PROM1: variants seen among roughly 807,000 people sequenced by gnomAD.
PROM1 encodes the protein prominin 1, also known as prominin-1.
A neutral mutation model predicts 116.9 loss-of-function variants in PROM1; 105 were observed. The ratio of observed to expected loss-of-function variants is 0.90; its 90% CI spans 0.77 to 1.06. The LOEUF (loss-of-function observed/expected upper bound fraction) is 1.06. Among genes scored for constraint, PROM1 ranks in the 50% least tolerant of loss-of-function variants. The pLI is 0.00. For synonymous variants in PROM1, 393 were observed against 387.0 expected (o/e 1.02, Z -0.18); for missense variants, 1,122 against 1,045.2 (o/e 1.07, Z -1.01).
chr4:16,052,962 G>A (rs1289869064), intron 2 of PROM1, among the ~76,000 whole-genome samples: 1 of 152,160 alleles, frequency 6.6e-6, no homozygotes, highest in African/African-American at 2.4e-5. Flanking sequence ...CAGTGAAAGG[G>A]CATGTCATTT....
At chr4:16,011,075 C>T (rs1187470896) in intron 11 of PROM1, among the ~76,000 whole-genome samples, 2 of 152,056 alleles carry the variant, frequency 1.3e-5, no homozygotes, top group Non-Finnish European at 1.5e-5. Flanking sequence ...CTCCTAGGGC[C>T]CCTGCCTGCT....
Position 16,008,894 on chromosome 4 carries a change from C to T in PROM1, c.1301+55G>A, listed in dbSNP as rs1726161501. 62 of 1,465,794 alleles carry T rather than the reference C, an allele frequency of 4.2e-5. 1 individual carries two copies. The South Asian group carries it at 6.9e-4, about 16-fold the overall frequency. The allele number at this position is 1,465,794 out of a possible 1,614,324, so 90.8% of individuals were successfully genotyped here. ...CCTGGTGCTAATGTCAGATTTTTAT[C>T]TCGTTCTCTACAAAGTTCACTCTCG... is the stretch of plus-strand genomic sequence containing the variant. On this transcript the variant is annotated intron_variant, in intron 12 of 27. Transcript: ENST00000447510.
intron 26 of PROM1, among the ~76,000 whole-genome samples, chr4:15,975,820 C>A (rs540367619): frequency 6.6e-6 from 1 of 152,298 alleles, no homozygotes; most frequent in African/African-American, 2.4e-5. Context: ...GGTGGGTGTG[C>A]AGGAATGAAA....
intron 18 of PROM1, among the ~76,000 whole-genome samples, 177 bp from the exon 19 acceptor site, chr4:15,990,001 G>C (rs957239339): frequency 3.9e-5 from 6 of 152,080 alleles, no homozygotes; most frequent in Admixed American, 6.6e-5. Flanking sequence ...CTCCTTCAAA[G>C]CACAGAACCA....
intron 3 of PROM1, among the ~76,000 whole-genome samples, chr4:16,037,622 T>C (rs1734236728): frequency 6.6e-6 from 1 of 152,172 alleles, no homozygotes; most frequent in South Asian, 2.1e-4. Context: ...CGTCCACCTA[T>C]ACATCTGCTT....
chr4:16,028,757 A>G (rs1398558828), intron 5 of PROM1, among the ~76,000 whole-genome samples: 3 of 152,248 alleles, frequency 2.0e-5, no homozygotes, highest in Non-Finnish European at 2.9e-5. Context: ...TTCAGTGAAT[A>G]TCAGTTCTCT....
At chr4:16,046,431 A>G (rs961009658) in intron 2 of PROM1, among the ~76,000 whole-genome samples, 1 of 152,124 alleles carries the variant, frequency 6.6e-6, no homozygotes, top group Non-Finnish European at 1.5e-5. Context: ...TCTTCTTTAG[A>G]TAGGAAAATA....
intron 2 of PROM1, among the ~76,000 whole-genome samples, chr4:16,051,486 C>T (rs1321334568): frequency 6.6e-6 from 1 of 152,216 alleles, no homozygotes; most frequent in Non-Finnish European, 1.5e-5. Flanking sequence ...AAATATCCAT[C>T]GTCCTGTGAG....
At chr4:16,030,889 T>C (rs1419141943) in intron 5 of PROM1, among the ~76,000 whole-genome samples, 1 of 151,954 alleles carries the variant, frequency 6.6e-6, no homozygotes, top group African/African-American at 2.4e-5. Context: ...CTACTAAAAA[T>C]ACAAAAATCT....
At chr4:16,052,334 C>G (rs1451731504) in intron 2 of PROM1, among the ~76,000 whole-genome samples, 1 of 152,200 alleles carries the variant, frequency 6.6e-6, no homozygotes, top group Non-Finnish European at 1.5e-5. Context: ...AAATCACCAT[C>G]AGGTCCTTGG....
intron 1 of PROM1, among the ~76,000 whole-genome samples, chr4:16,081,358 T>G (rs1366175935): frequency 6.6e-6 from 1 of 152,054 alleles, no homozygotes; most frequent in East Asian, 1.9e-4. Context: ...TCCTTACACC[T>G]TATACAAAAA....
chr4:16,002,035 T>TGGATGTGTTTGAGAGC, intron 13 of PROM1, among the ~76,000 whole-genome samples: 1 of 151,964 alleles, frequency 6.6e-6, no homozygotes, highest in Admixed American at 6.5e-5. Context: ...AGAGAAGGGA[T>TGGATGTGTTTGAGAGC]GGATGTGTTT....
chr4:15,977,274 A>C (rs969476548), intron 26 of PROM1, among the ~76,000 whole-genome samples: 2 of 152,152 alleles, frequency 1.3e-5, no homozygotes, highest in Admixed American at 6.5e-5. Flanking sequence ...TTCACAACCA[A>C]CAGGCAAACA....
chr4:16,023,166 G>C (rs529137714), intron 8 of PROM1, among the ~76,000 whole-genome samples, 160 bp downstream of exon 8: 2 of 152,234 alleles, frequency 1.3e-5, no homozygotes, highest in Admixed American at 1.3e-4. Flanking sequence ...GCACCACCAA[G>C]CTATTGCAAC....
At chr4:16,004,927 CTTCCTCT>C (rs1560461295) in intron 13 of PROM1, among the ~76,000 whole-genome samples, 1 of 98,150 alleles carries the variant, frequency 1.0e-5, no homozygotes, top group African/African-American at 3.1e-5. Flanking sequence ...TCCTTCCTTC[CTTCCTCT>C]TTCTTTTTTT....
intron 13 of PROM1, 76 bp from the exon 14 acceptor site, chr4:16,000,695 T>C (rs150484622): frequency 2.9e-5 from 37 of 1,257,182 alleles, no homozygotes; most frequent in Non-Finnish European, 4.0e-5. Context: ...TAAATCTACC[T>C]ATACTCTATA....
At position 16,029,760 on chromosome 4, in the gene PROM1, G is replaced by C. The variant is rs144663031; in HGVS notation, c.509+3544C>G. On this transcript the variant is annotated intron_variant, in intron 5 of 27. Transcript: ENST00000447510. ...ATTGTAATATTTTGAGCCACAAAAT[G>C]AAATTGAGTCCAATAAAAGGCAGGT... is the stretch of plus-strand genomic sequence containing the variant. Among the ~76,000 whole-genome samples the C allele has an allele frequency of 7.2e-5, 11 of 152,302 alleles. No individual in the cohort carries two copies. In the East Asian group the frequency reaches 2.1e-3, roughly 29 times the overall value.
intron 2 of PROM1, among the ~76,000 whole-genome samples, chr4:16,048,145 A>C (rs1277486637): frequency 6.6e-6 from 1 of 152,156 alleles, no homozygotes; most frequent in Non-Finnish European, 1.5e-5. Context: ...AATGAAGTGA[A>C]CACAATCTGT....
intron 6 of PROM1, 34 bp downstream of exon 6, chr4:16,025,158 A>C (rs1476623865): frequency 6.3e-7 from 1 of 1,592,516 alleles, no homozygotes; most frequent in Non-Finnish European, 8.6e-7. Flanking sequence ...CAAAAATATA[A>C]AGCATCGCGG....
Sources: gnomAD v4.1 joint callset for allele counts (sites outside exome capture counted in the v4.1 genomes callset) on GRCh38, gnomAD v4.1.1 for gene constraint, MANE v1.5 for transcripts, NCBI Gene and HGNC (gene_info 2026-07-23, HGNC 2026-07-21) for gene names.